Variants in RNF138 observed in about 807,000 individuals in gnomAD.
The protein encoded by RNF138 is E3 ubiquitin-protein ligase RNF138.
Under a neutral mutation model 31.0 loss-of-function variants are expected in RNF138, and 12 were observed. The ratio of observed to expected loss-of-function variants is 0.39; its 90% CI spans 0.25 to 0.63. The LOEUF (loss-of-function observed/expected upper bound fraction) is 0.63. Ranked by LOEUF, RNF138 falls within the 20% of genes least tolerant of loss-of-function variation. The pLI is 0.52. For synonymous variants in RNF138, 105 were observed against 99.5 expected, an observed-to-expected ratio of 1.06 and a Z score of -0.33; for missense variants, 192 against 300.1, an observed-to-expected ratio of 0.64 and a Z score of 2.66.
At chr18:32,128,537 C>T (rs1386853340) in intron 7 of RNF138, among the ~76,000 whole-genome samples, 1 of 152,148 alleles carries the variant, frequency 6.6e-6, no homozygotes, top group East Asian at 1.9e-4. Flanking sequence ...AACTGCCCCC[C>T]AAAAAATTTC....
At chr18:32,096,173 A>C (rs2039801186) in intron 2 of RNF138, among the ~76,000 whole-genome samples, 1 of 152,254 alleles carries the variant, frequency 6.6e-6, no homozygotes, top group South Asian at 2.1e-4. Flanking sequence ...TAACCTAATG[A>C]ATAATACTAG....
chr18:32,111,052 TTACAGGCGTGAGCCACCG>T (rs1347446212), intron 2 of RNF138, among the ~76,000 whole-genome samples: 2 of 152,254 alleles, frequency 1.3e-5, no homozygotes, highest in Non-Finnish European at 2.9e-5. Context: ...AGTGCTGGGA[TTACAGGCGTGAGCCACCG>T]TGCCCGGCAA....
At chr18:32,096,763 G>T (rs972106774) in intron 2 of RNF138, among the ~76,000 whole-genome samples, 3 of 152,022 alleles carry the variant, frequency 2.0e-5, no homozygotes, top group Admixed American at 6.6e-5. Flanking sequence ...ATAGGGTCTC[G>T]CTCTGTTGCG....
intron 2 of RNF138, among the ~76,000 whole-genome samples, chr18:32,110,549 G>A (rs1361095626): frequency 6.7e-6 from 1 of 149,908 alleles, no homozygotes; most frequent in East Asian, 1.9e-4. Context: ...CAGGTTATGT[G>A]ATCTGTTACT....
chr18:32,102,640 C>CTT (rs145533936), intron 2 of RNF138, among the ~76,000 whole-genome samples: 8 of 147,190 alleles, frequency 5.4e-5, no homozygotes, highest in Non-Finnish European at 1.2e-4. Flanking sequence ...TTGGGATTTT[C>CTT]TTTTTTTTTT....
intron 4 of RNF138, among the ~76,000 whole-genome samples, chr18:32,117,869 TTATA>T (rs2040242416): frequency 6.6e-6 from 1 of 152,184 alleles, no homozygotes; most frequent in Non-Finnish European, 1.5e-5. Context: ...TAACATAAGA[TTATA>T]TATTTTTGTT....
Position 32,124,892 on chromosome 18 carries a change from C to A in RNF138, c.561+47C>A. 3 of 949,594 alleles carry A rather than the reference C, an allele frequency of 3.2e-6. 1 individual carries two copies. Among genetic ancestry groups the A allele is most frequent in the South Asian group, 2.6e-5 (2 of 75,664 alleles). The allele number at this position is 949,594 out of a possible 1,614,324, so 58.8% of individuals were successfully genotyped here. On this transcript the variant is annotated intron_variant, in intron 6 of 7. Coordinates refer to ENST00000261593, the MANE Select transcript of RNF138 (RefSeq NM_016271.5). ...AGTCTTCTGCTTAGAATAAAACATG[C>A]TGTTCTATTTATTTCACTTCATGTA...
At chr18:32,092,664 T>A (rs2039717558) in intron 1 of RNF138, 36 bp from the exon 2 acceptor site, 2 of 696,554 alleles carry the variant, frequency 2.9e-6, no homozygotes, top group African/African-American at 1.8e-5. Context: ...CGCTGTATCC[T>A]GATGCGATCC....
chr18:32,130,759 C>CTTTA lies in RNF138; in HGVS notation c.*1578_*1581dup, dbSNP rs1451858456. ...ACCTTTTTCAGTCAAACAGTAAAGA[C>CTTTA]TTTATTTATGGATTGTAATAACAAC... On this transcript the variant is annotated 3_prime_UTR_variant, in exon 8 of 8. Coordinates refer to ENST00000261593, the MANE Select transcript of RNF138 (RefSeq NM_016271.5). 1 of 152,334 alleles carries CTTTA rather than the reference C, an allele frequency of 6.6e-6. No individual in the cohort carries two copies. Among genetic ancestry groups the CTTTA allele is most frequent in the African/African-American group, 2.4e-5 (1 of 41,418 alleles). The allele number at this position is 152,334 out of a possible 1,614,324, so 9.4% of individuals were successfully genotyped here. A position where few individuals can be genotyped will look rare whatever the true frequency, so the allele number is the denominator to read the frequency against.
chr18:32,107,498 CTTAAT>C (rs2040054073), intron 2 of RNF138, among the ~76,000 whole-genome samples: 1 of 141,400 alleles, frequency 7.1e-6, no homozygotes. Context: ...AGAAGATAAT[CTTAAT>C]TTAGTTTTTT....
chr18:32,112,000 T>A, intron 3 of RNF138, 81 bp downstream of exon 3: 2 of 422,312 alleles, frequency 4.7e-6, no homozygotes, highest in Non-Finnish European at 6.7e-6. Context: ...TTGGTTGGTG[T>A]TTTTTTTTTT....
Position 32,111,807 on chromosome 18 carries a change from C to T in RNF138, c.164C>T (p.Pro55Leu). ...TAMRESGAHC[P>L]LCRGNVTRRE... Reference sequence around the variant, plus strand: ...ATGAGGGAAAGCGGAGCACATTGTCCCCTATGTCGTGGAAATGTGACTAGA... The same window carrying T: ...ATGAGGGAAAGCGGAGCACATTGTCTCCTATGTCGTGGAAATGTGACTAGA... The change falls in exon 3 of 8, where the codon CCC (proline) becomes CTC (leucine). Residue 55 changes from proline to leucine, a missense_variant. Physicochemically the swap from Pro to Leu is moderately conservative, Grantham distance 98. Around this residue, in one of 2 missense-constraint regions of RNF138, gnomAD observed 140 missense variants for 251.7 expected, o/e 0.56. Transcript: ENST00000261593. The T allele has an allele frequency of 6.2e-7, 1 of 1,613,570 alleles. No individual in the cohort carries two copies. Among genetic ancestry groups the T allele is most frequent in the Non-Finnish European group, 8.5e-7 (1 of 1,179,742 alleles).
At chr18:32,119,764 G>A (rs2040274153) in intron 4 of RNF138, among the ~76,000 whole-genome samples, 1 of 152,178 alleles carries the variant, frequency 6.6e-6, no homozygotes, top group Non-Finnish European at 1.5e-5. Context: ...AGTTCATTTA[G>A]AACATGAGTA....
intron 4 of RNF138, among the ~76,000 whole-genome samples, chr18:32,117,502 G>A (rs756264063): frequency 2.3e-4 from 35 of 151,914 alleles, no homozygotes; most frequent in Non-Finnish European, 4.0e-4. Flanking sequence ...ATGCAACTGA[G>A]TAGAAAAAAA....
At chr18:32,098,189 T>C (rs1367036921) in intron 2 of RNF138, among the ~76,000 whole-genome samples, 3 of 152,082 alleles carry the variant, frequency 2.0e-5, no homozygotes, top group Non-Finnish European at 4.4e-5. Flanking sequence ...GGTTTTACCA[T>C]GTTGGCCAGG....
chr18:32,126,594 A>G (rs540593662), intron 6 of RNF138, 99 bp from the exon 7 acceptor site: 2 of 677,882 alleles, frequency 3.0e-6, no homozygotes, highest in East Asian at 5.5e-5. Context: ...TCACGTAGAT[A>G]TTTTTGGTAA....
chr18:32,101,909 C>T (rs1033931188), intron 2 of RNF138, among the ~76,000 whole-genome samples: 2 of 152,112 alleles, frequency 1.3e-5, no homozygotes, highest in African/African-American at 2.4e-5. Context: ...CAGGGTCTAA[C>T]TCTGTTGCCC....
intron 2 of RNF138, among the ~76,000 whole-genome samples, chr18:32,097,270 A>G (rs1052733236): frequency 6.6e-6 from 1 of 152,226 alleles, no homozygotes; most frequent in Non-Finnish European, 1.5e-5. Context: ...TAAAAATTAC[A>G]TATAACAAGT....
At chr18:32,102,901 G>A (rs1248213391) in intron 2 of RNF138, among the ~76,000 whole-genome samples, 1 of 152,034 alleles carries the variant, frequency 6.6e-6, no homozygotes, top group Non-Finnish European at 1.5e-5. Flanking sequence ...AAAGTGTAGG[G>A]ATTACAGGTG....
Sources: allele counts gnomAD v4.1 joint callset (sites outside exome capture counted in the v4.1 genomes callset), GRCh38; gene constraint gnomAD v4.1.1; regional missense constraint gnomAD v4.1.1; transcripts MANE v1.5; gene names NCBI Gene and HGNC (gene_info 2026-07-23, HGNC 2026-07-21).